SDCCAG8: variants seen among roughly 807,000 people sequenced by gnomAD.
The protein encoded by SDCCAG8 is SHH signaling and ciliogenesis regulator SDCCAG8.
SDCCAG8 carries 74 observed loss-of-function variants against 101.8 expected under a neutral mutation model. The ratio of observed to expected loss-of-function variants is 0.73; its 90% CI spans 0.60 to 0.88. The LOEUF is 0.88. SDCCAG8 is among the 40% of genes least tolerant of loss of function. SDCCAG8 has a pLI of 0.00. For synonymous variants in SDCCAG8, 281 were observed against 292.9 expected (o/e 0.96, Z 0.41); for missense variants, 787 against 822.6 (o/e 0.96, Z 0.53).
chr1:243,307,449 G>A, intron 7 of SDCCAG8: 1 of 981,818 alleles, frequency 1.0e-6, no homozygotes. Flanking sequence ...CTATCTAACA[G>A]TAATGTTTTC....
intron 17 of SDCCAG8, among the ~76,000 whole-genome samples, chr1:243,492,853 C>T (rs1666909497): frequency 6.6e-6 from 1 of 152,084 alleles, no homozygotes; most frequent in Non-Finnish European, 1.5e-5. Flanking sequence ...GTGATCTGCC[C>T]ACCTTGGCCT....
intron 16 of SDCCAG8, among the ~76,000 whole-genome samples, chr1:243,451,483 A>C (rs982421664): frequency 1.3e-5 from 2 of 152,100 alleles, no homozygotes; most frequent in African/African-American, 2.4e-5. Context: ...TATTTCTAGG[A>C]GCCAAACATT....
At chr1:243,261,725 G>A (rs913414157) in intron 1 of SDCCAG8, among the ~76,000 whole-genome samples, 1 of 152,064 alleles carries the variant, frequency 6.6e-6, no homozygotes, top group African/African-American at 2.4e-5. Context: ...ATATTTTCTG[G>A]ATTTTTAAAT....
chr1:243,487,586 T>C (rs1574354160), intron 16 of SDCCAG8, among the ~76,000 whole-genome samples: 1 of 152,044 alleles, frequency 6.6e-6, no homozygotes, highest in East Asian at 1.9e-4. Flanking sequence ...AGGGCCTGGC[T>C]GTTGCCCAGG....
intron 6 of SDCCAG8, among the ~76,000 whole-genome samples, chr1:243,302,260 A>C (rs2071588846): frequency 6.6e-6 from 1 of 152,170 alleles, no homozygotes; most frequent in Non-Finnish European, 1.5e-5. Flanking sequence ...AACAAAACAA[A>C]ACAAAAAAAA....
chr1:243,336,614 C>G (rs925745436), intron 10 of SDCCAG8, among the ~76,000 whole-genome samples: 1 of 152,100 alleles, frequency 6.6e-6, no homozygotes, highest in African/African-American at 2.4e-5. Flanking sequence ...CTTGTAAGAA[C>G]TCGCTATCAT....
chr1:243,476,278 T>C (rs1412487977), intron 16 of SDCCAG8: 1 of 985,480 alleles, frequency 1.0e-6, no homozygotes, highest in Non-Finnish European at 1.2e-6. Context: ...AATAAAAAGC[T>C]TTCAGCATTG....
intron 17 of SDCCAG8, among the ~76,000 whole-genome samples, chr1:243,494,529 C>T (rs181965182): frequency 1.3e-5 from 2 of 152,332 alleles, no homozygotes; most frequent in Non-Finnish European, 2.9e-5. Flanking sequence ...TCCCCAAACA[C>T]CTCCAACAGC....
intron 9 of SDCCAG8, among the ~76,000 whole-genome samples, chr1:243,318,722 A>C (rs2073485177): frequency 6.6e-6 from 1 of 152,048 alleles, no homozygotes; most frequent in Admixed American, 6.6e-5. Context: ...GCTGTCCCTC[A>C]ATGCCATGTT....
At chr1:243,395,166 G>T (rs2078965404) in intron 13 of SDCCAG8, among the ~76,000 whole-genome samples, 1 of 152,174 alleles carries the variant, frequency 6.6e-6, no homozygotes, top group African/African-American at 2.4e-5. Context: ...TTATCCAAAA[G>T]AAGGCTACTA....
chr1:243,452,414 CTTT>C (rs71574667), intron 16 of SDCCAG8, among the ~76,000 whole-genome samples: 1 of 66,652 alleles, frequency 1.5e-5, no homozygotes, highest in Non-Finnish European at 3.0e-5. Flanking sequence ...GATCTCATCT[CTTT>C]TTTTTTTTTT....
intron 12 of SDCCAG8, among the ~76,000 whole-genome samples, chr1:243,362,498 T>C (rs2147856414): frequency 6.6e-6 from 1 of 152,386 alleles, no homozygotes; most frequent in East Asian, 1.9e-4. Context: ...AGCTTCAGTT[T>C]TCCTCTTTGT....
Position 243,270,269 on chromosome 1 carries a change from TG to T in SDCCAG8, c.220+13del. ...ACAGAGCCATGCTGGTGAGTGTGAA[TG>T]TCAATCCTAGTCTGAATGATGCATA... On this transcript the variant is annotated intron_variant, in intron 2 of 17. Coordinates refer to ENST00000366541, the MANE Select transcript of SDCCAG8 (RefSeq NM_006642.5). 6.2e-7 allele frequency: 1 copy of T among 1,613,564 alleles called. No individual in the cohort carries two copies.
chr1:243,290,208 C>CG (rs2070095376), intron 5 of SDCCAG8, among the ~76,000 whole-genome samples: 1 of 132,754 alleles, frequency 7.5e-6, no homozygotes, highest in African/African-American at 2.7e-5. Context: ...CGCTCCCGCC[C>CG]CCCGATCCCC....
chr1:243,308,254 A>G (rs1573162648), intron 8 of SDCCAG8, 77 bp downstream of exon 8: 1 of 1,401,350 alleles, frequency 7.1e-7, no homozygotes, highest in South Asian at 1.2e-5. Flanking sequence ...GTGTTCTTCT[A>G]GCCCTATGCT....
chr1:243,394,444 GT>G (rs2078914048), intron 13 of SDCCAG8, among the ~76,000 whole-genome samples: 2 of 151,990 alleles, frequency 1.3e-5, no homozygotes, highest in African/African-American at 4.8e-5. Context: ...CCAGTTCTTT[GT>G]CCTGCAGCCC....
At chr1:243,449,459 A>G (rs911547997) in intron 16 of SDCCAG8, among the ~76,000 whole-genome samples, 11 of 152,202 alleles carry the variant, frequency 7.2e-5, no homozygotes, top group Non-Finnish European at 7.3e-5. Flanking sequence ...TTTCTGTATC[A>G]TAGATGAAGG....
intron 4 of SDCCAG8, among the ~76,000 whole-genome samples, chr1:243,275,115 A>G (rs2068428169): frequency 1.3e-5 from 2 of 152,216 alleles, no homozygotes; most frequent in South Asian, 4.1e-4. Context: ...AGAATGGTTC[A>G]TAGGGTACTG....
chr1:243,337,513 A>G (rs527655246), intron 10 of SDCCAG8, among the ~76,000 whole-genome samples: 1 of 152,318 alleles, frequency 6.6e-6, no homozygotes, highest in East Asian at 1.9e-4. Context: ...AAATGGCAGA[A>G]AGTGGTTTTG....
Sources: gnomAD v4.1 joint callset for allele counts (sites outside exome capture counted in the v4.1 genomes callset) on GRCh38, gnomAD v4.1.1 for gene constraint, MANE v1.5 for transcripts, NCBI Gene and HGNC (gene_info 2026-07-23, HGNC 2026-07-21) for gene names.